The following KRAS variants were observed in gnomAD, a reference collection of about 807,000 sequenced individuals.
KRAS encodes KRas proto-oncogene, GTPase.
Under a neutral mutation model 21.0 loss-of-function variants are expected in KRAS, and 1 was observed. The ratio of observed to expected loss-of-function variants is 0.05; its 90% CI spans 0.02 to 0.23. KRAS has a LOEUF of 0.23. Ranked by LOEUF, KRAS falls within the 10% of genes least tolerant of loss-of-function variation. KRAS has a pLI of 1.00. For synonymous variants in KRAS, 67 were observed against 72.5 expected, an observed-to-expected ratio of 0.92 and a Z score of 0.39; for missense variants, 107 against 221.8, an observed-to-expected ratio of 0.48 and a Z score of 3.29.
intron 2 of KRAS, chr12:25,234,239 G>T (rs1054569046): frequency 2.9e-5 from 5 of 174,492 alleles, no homozygotes; most frequent in Admixed American, 1.3e-4. Flanking sequence ...TACACACAGA[G>T]ATTTTAACAC....
At chr12:25,225,286 T>TTATTTTTATA (rs1486092988) in intron 4 of KRAS, 848 of 10,408 alleles carry the variant, frequency 0.081, 60 homozygotes, top group Middle Eastern at 0.25. Flanking sequence ...GCCCTGTTCT[T>TTATTTTTATA]TATATATATA....
At chr12:25,211,237 T>C (rs1256196439) in intron 4 of KRAS, 1 of 152,228 alleles carries the variant, frequency 6.6e-6, no homozygotes, top group African/African-American at 2.4e-5. Context: ...AAAAAAATTA[T>C]ATGTGTAAAA....
intron 2 of KRAS, among the ~76,000 whole-genome samples, chr12:25,239,746 A>G (rs1228586585): frequency 6.6e-6 from 1 of 152,130 alleles, no homozygotes; most frequent in African/African-American, 2.4e-5. Flanking sequence ...CGAGGTCAGG[A>G]GTTCGAGACT....
intron 2 of KRAS, among the ~76,000 whole-genome samples, chr12:25,240,586 A>C (rs943005218): frequency 6.6e-5 from 10 of 152,196 alleles, no homozygotes; most frequent in Non-Finnish European, 1.3e-4. Flanking sequence ...GCCTCAGTGT[A>C]TCTCTAGCCC....
In KRAS at chr12:25,227,160, A is replaced by C. The variant is rs115908336; in HGVS notation, c.290+74T>G. On this transcript the variant is annotated intron_variant, in intron 3 of 4. Coordinates refer to ENST00000311936, the MANE Select transcript of KRAS (RefSeq NM_004985.5). Reference sequence around the variant, plus strand: ...TTTTATTAAATATTATATGCATGGCATTAGCAAAGACTCAAAAAATAAAAA... The same window carrying C: ...TTTTATTAAATATTATATGCATGGCCTTAGCAAAGACTCAAAAAATAAAAA... The C allele has an allele frequency of 5.9e-3, 6,169 of 1,054,310 alleles. 82 individuals are homozygous for C. The highest frequency in any genetic ancestry group is 0.044 in the African/African-American group (2,741 of 62,236). 65.3% of individuals were successfully genotyped at this position (1,054,310 alleles called of 1,614,324 possible).
chr12:25,223,290 T>C (rs1951351000), intron 4 of KRAS, among the ~76,000 whole-genome samples: 1 of 152,154 alleles, frequency 6.6e-6, no homozygotes, highest in African/African-American at 2.4e-5. Flanking sequence ...AACTCAATTT[T>C]GTATTTGAAA....
rs1407409271 is a variant in KRAS, at chr12:25,207,284, T to C, written c.*2511A>G. ...GCAAAACAGGTTTATGAGGCCAAGG[T>C]GGGTGAATCACTTGAGGTCAGGAGT... On this transcript the variant is annotated 3_prime_UTR_variant, in exon 5 of 5. Coordinates refer to ENST00000311936, the MANE Select transcript of KRAS (RefSeq NM_004985.5). 1 of 197,010 alleles carries C rather than the reference T, an allele frequency of 5.1e-6. No homozygotes were observed. The highest frequency in any genetic ancestry group is 2.3e-5 in the African/African-American group (1 of 43,260). 12.2% of individuals were successfully genotyped at this position (197,010 alleles called of 1,614,324 possible). A position where few individuals can be genotyped will look rare whatever the true frequency, so the allele number is the denominator to read the frequency against.
At chr12:25,239,564 T>G (rs777167967) in intron 2 of KRAS, among the ~76,000 whole-genome samples, 10 of 152,200 alleles carry the variant, frequency 6.6e-5, no homozygotes, top group Non-Finnish European at 1.5e-4. Flanking sequence ...CACAAGTGTA[T>G]AGTTTAGCAT....
At chr12:25,248,144 A>G (rs1398577197) in intron 1 of KRAS, among the ~76,000 whole-genome samples, 1 of 151,954 alleles carries the variant, frequency 6.6e-6, no homozygotes, top group Non-Finnish European at 1.5e-5. Flanking sequence ...TACAGATAAG[A>G]GCCAATGTGC....
chr12:25,240,727 C>T (rs1360972031), intron 2 of KRAS, among the ~76,000 whole-genome samples: 1 of 151,998 alleles, frequency 6.6e-6, no homozygotes, highest in African/African-American at 2.4e-5. Context: ...CACTTAATTC[C>T]ATTACCAACT....
chr12:25,228,753 T>C (rs1368621911), intron 2 of KRAS, among the ~76,000 whole-genome samples: 3 of 152,134 alleles, frequency 2.0e-5, no homozygotes, highest in Non-Finnish European at 4.4e-5. Context: ...GGTCACTGAA[T>C]TGAACACTTA....
At chr12:25,229,155 T>C (rs1951433442) in intron 2 of KRAS, among the ~76,000 whole-genome samples, 1 of 152,186 alleles carries the variant, frequency 6.6e-6, no homozygotes, top group African/African-American at 2.4e-5. Context: ...AGGTATTATA[T>C]GGAGAGTCAA....
Position 25,207,860 on chromosome 12 carries a change from G to A in KRAS, c.*1935C>T, listed in dbSNP as rs1321227705. 1.3e-5 allele frequency: 3 copies of A among 233,052 alleles called. No individual in the cohort carries two copies. The highest frequency in any genetic ancestry group is 2.5e-5 in the Non-Finnish European group (3 of 118,036). 14.4% of individuals were successfully genotyped at this position (233,052 alleles called of 1,614,324 possible). On this transcript the variant is annotated 3_prime_UTR_variant, in exon 5 of 5. Transcript: ENST00000311936. ...AAATAAGATGTAGGGCATTTCTGAT[G>A]TGACTCAGTGGGAAAACTTCATGGA...
In KRAS at chr12:25,238,429, T is replaced by G. The variant is rs143842235; in HGVS notation, c.111+6845A>C. 3.3e-3 allele frequency among the ~76,000 whole-genome samples: 502 copies of G among 152,294 alleles called. 2 individuals carry two copies. The highest frequency in any genetic ancestry group is 6.1e-3 in the Admixed American group (94 of 15,296). ...TTATATTATATACCTCTCATATTAT[T>G]TATTTAGCCTTAATAGCAATTTCCT... On this transcript the variant is annotated intron_variant, in intron 2 of 4. Transcript: ENST00000311936.
In KRAS at chr12:25,209,054, A is replaced by C. The variant is rs1388406385; in HGVS notation, c.*741T>G. 1.7e-5 allele frequency: 7 copies of C among 408,332 alleles called. No homozygotes were observed. Among genetic ancestry groups the C allele is most frequent in the African/African-American group, 4.1e-5 (2 of 48,932 alleles). The allele number at this position is 408,332 out of a possible 1,614,324, so 25.3% of individuals were successfully genotyped here. On this transcript the variant is annotated 3_prime_UTR_variant, in exon 5 of 5. Coordinates refer to ENST00000311936, the MANE Select transcript of KRAS (RefSeq NM_004985.5). ...ATAGCCCCAAAATGGTTGCTATAAT[A>C]ATCCCCATTTCATACTGGGTCTGCC...
chr12:25,230,637 C>T (rs766213179), intron 2 of KRAS, among the ~76,000 whole-genome samples: 5 of 152,090 alleles, frequency 3.3e-5, no homozygotes, highest in African/African-American at 4.8e-5. Context: ...CCAAAAAAGA[C>T]ATTTATCTCT....
chr12:25,215,691 T>C (rs1951247721), intron 4 of KRAS: 2 of 745,194 alleles, frequency 2.7e-6, no homozygotes, highest in African/African-American at 1.8e-5. Flanking sequence ...ATCAGACTGT[T>C]TGAATAAAAC....
intron 1 of KRAS, among the ~76,000 whole-genome samples, 200 bp downstream of exon 1, chr12:25,250,551 C>T (rs572502364): frequency 2.0e-5 from 3 of 152,278 alleles, no homozygotes; most frequent in African/African-American, 7.2e-5. Flanking sequence ...ACCGCCCATT[C>T]CTCACTCCCC....
rs1189086645 is a variant in KRAS at position 25,209,306 on chromosome 12, C to T, written c.*489G>A. 9.6e-6 allele frequency: 6 copies of T among 622,048 alleles called. No homozygotes were observed. The East Asian group carries it at 1.7e-4, about 18-fold the overall frequency. 38.5% of individuals were successfully genotyped at this position (622,048 alleles called of 1,614,324 possible). ...TCATCAGGGATGACAAACTATAGGA[C>T]ATGATGCCTAGAAGAATCATCATCA... On this transcript the variant is annotated 3_prime_UTR_variant, in exon 5 of 5. Coordinates refer to ENST00000311936, the MANE Select transcript of KRAS (RefSeq NM_004985.5).
Sources: gnomAD v4.1 joint callset for allele counts (sites outside exome capture counted in the v4.1 genomes callset) on GRCh38, gnomAD v4.1.1 for gene constraint, MANE v1.5 for transcripts, NCBI Gene and HGNC (gene_info 2026-07-23, HGNC 2026-07-21) for gene names.